The following PACS1 variants were observed in gnomAD, a reference collection of about 807,000 sequenced individuals.
PACS1 encodes the protein phosphofurin acidic cluster sorting protein 1, also known as PACS-1.
In PACS1, 24 loss-of-function variants were observed where a neutral mutation model predicts 115.0. The ratio of observed to expected loss-of-function variants is 0.21; its 90% confidence interval spans 0.15 to 0.29. PACS1 has a LOEUF of 0.29. PACS1 is among the 10% of genes least tolerant of loss of function. PACS1 has a pLI of 1.00. For synonymous variants in PACS1, 453 were observed against 504.5 expected, an observed-to-expected ratio of 0.90 and a Z score of 1.37; for missense variants, 838 against 1,251.2, an observed-to-expected ratio of 0.67 and a Z score of 4.98.
At chr11:66,142,935 C>T (rs964733333) in intron 1 of PACS1, among the ~76,000 whole-genome samples, 4 of 151,494 alleles carry the variant, frequency 2.6e-5, no homozygotes, top group Admixed American at 6.6e-5. Context: ...TTTGTCATCT[C>T]GCATGCCATT....
At chr11:66,177,285 C>T (rs1023575211) in intron 1 of PACS1, among the ~76,000 whole-genome samples, 31 of 152,004 alleles carry the variant, frequency 2.0e-4, no homozygotes, top group African/African-American at 6.0e-4. Context: ...CACCACCTCC[C>T]GGGTTCAAGC....
intron 1 of PACS1, among the ~76,000 whole-genome samples, chr11:66,172,269 C>G (rs1859757529): frequency 6.6e-6 from 1 of 152,226 alleles, no homozygotes; most frequent in African/African-American, 2.4e-5. Flanking sequence ...CACGGTCTCC[C>G]TTATGACTGT....
intron 1 of PACS1, among the ~76,000 whole-genome samples, chr11:66,161,946 G>A (rs1010139752): frequency 6.6e-6 from 1 of 152,072 alleles, no homozygotes; most frequent in Non-Finnish European, 1.5e-5. Context: ...AGCCCAACCT[G>A]ATGGATATTA....
intron 1 of PACS1, among the ~76,000 whole-genome samples, chr11:66,153,331 C>CA (rs1386193543): frequency 6.6e-6 from 1 of 152,140 alleles, no homozygotes. Context: ...GATTTTATAA[C>CA]ACTCTAGTGC....
intron 19 of PACS1, among the ~76,000 whole-genome samples, chr11:66,237,341 C>T (rs1216726480): frequency 1.3e-5 from 2 of 152,234 alleles, no homozygotes; most frequent in South Asian, 2.1e-4. Flanking sequence ...GGATTACAGG[C>T]GTGAGCCACC....
chr11:66,111,745 G>A (rs1198368119), intron 1 of PACS1, among the ~76,000 whole-genome samples: 1 of 152,106 alleles, frequency 6.6e-6, no homozygotes, highest in Non-Finnish European at 1.5e-5. Flanking sequence ...CACCTCCCGG[G>A]TTCAAGTGAT....
At chr11:66,167,708 G>A (rs1012208107) in intron 1 of PACS1, among the ~76,000 whole-genome samples, 2 of 150,262 alleles carry the variant, frequency 1.3e-5, no homozygotes, top group African/African-American at 2.5e-5. Context: ...TATGTATGGT[G>A]TGAGGTGTGG....
chr11:66,232,364 G>T (rs1034053878), intron 14 of PACS1, 88 bp downstream of exon 14: 17 of 725,696 alleles, frequency 2.3e-5, no homozygotes, highest in African/African-American at 5.2e-5. Context: ...ATACTATTGC[G>T]TGGGGAGGTG....
At chr11:66,175,294 A>T (rs1859829932) in intron 1 of PACS1, among the ~76,000 whole-genome samples, 1 of 151,990 alleles carries the variant, frequency 6.6e-6, no homozygotes, top group African/African-American at 2.4e-5. Context: ...GCAGCTTTTA[A>T]GTCTTCTTTG....
intron 1 of PACS1, among the ~76,000 whole-genome samples, chr11:66,178,981 C>T (rs183330873): frequency 3.9e-5 from 6 of 152,276 alleles, no homozygotes; most frequent in Admixed American, 3.9e-4. Context: ...TGTCCATTCT[C>T]CCCCTTTGCT....
intron 1 of PACS1, among the ~76,000 whole-genome samples, chr11:66,096,102 T>C (rs958779381): frequency 1.3e-5 from 2 of 152,088 alleles, no homozygotes; most frequent in African/African-American, 4.8e-5. Flanking sequence ...GCTCAGCTAA[T>C]TTTTTTATTT....
intron 1 of PACS1, among the ~76,000 whole-genome samples, chr11:66,192,889 C>T (rs777460616): frequency 6.6e-6 from 1 of 152,216 alleles, no homozygotes; most frequent in Non-Finnish European, 1.5e-5. Context: ...TGAAGATTTT[C>T]TGCATATTTG....
intron 2 of PACS1, among the ~76,000 whole-genome samples, chr11:66,202,609 C>T (rs189855041): frequency 1.9e-4 from 28 of 151,078 alleles, no homozygotes; most frequent in Non-Finnish European, 5.9e-5. Context: ...TGCCAAATGG[C>T]TGGGTGTTGT....
At chr11:66,109,785 C>A (rs941025414) in intron 1 of PACS1, among the ~76,000 whole-genome samples, 8 of 152,222 alleles carry the variant, frequency 5.3e-5, no homozygotes, top group Admixed American at 2.6e-4. Flanking sequence ...CTCTCCTCAT[C>A]TCCTCGCTTT....
At chr11:66,172,802 C>T (rs543244942) in intron 1 of PACS1, among the ~76,000 whole-genome samples, 21 of 151,926 alleles carry the variant, frequency 1.4e-4, no homozygotes, top group South Asian at 8.3e-4. Flanking sequence ...ATGGTGAAAC[C>T]CCGTCTCTAC....
chr11:66,138,083 C>T (rs1396685782), intron 1 of PACS1, among the ~76,000 whole-genome samples: 2 of 122,310 alleles, frequency 1.6e-5, no homozygotes, highest in South Asian at 4.9e-4. Context: ...GATTTTGCCC[C>T]GTTTATTTAT....
chr11:66,131,833 C>G, intron 1 of PACS1, among the ~76,000 whole-genome samples: 1 of 152,080 alleles, frequency 6.6e-6, no homozygotes, highest in Middle Eastern at 3.2e-3. Flanking sequence ...ATTTACATCT[C>G]CAGTTTGATT....
At chr11:66,136,226 G>A (rs1045883573) in intron 1 of PACS1, among the ~76,000 whole-genome samples, 1 of 150,400 alleles carries the variant, frequency 6.6e-6, no homozygotes, top group African/African-American at 2.5e-5. Flanking sequence ...GGGGAGCCCA[G>A]GAGAGGAATG....
At chr11:66,161,008 C>G (rs535570861) in intron 1 of PACS1, among the ~76,000 whole-genome samples, 2 of 152,140 alleles carry the variant, frequency 1.3e-5, no homozygotes, top group South Asian at 2.1e-4. Flanking sequence ...TCAGTTTCCT[C>G]ATCTGTAAGA....
Sources: allele counts gnomAD v4.1 joint callset (sites outside exome capture counted in the v4.1 genomes callset), GRCh38; gene constraint gnomAD v4.1.1; transcripts MANE v1.5; gene names NCBI Gene and HGNC (gene_info 2026-07-23, HGNC 2026-07-21).